RIN3: variants seen among roughly 807,000 people sequenced by gnomAD.
RIN3 encodes the protein Ras and Rab interactor 3, also known as RAB5 interacting protein 3.
RIN3 carries 54 observed loss-of-function variants against 76.3 expected under a neutral mutation model. That is an observed-to-expected ratio of 0.71 (90% confidence interval 0.57 to 0.89). The LOEUF (loss-of-function observed/expected upper bound fraction) is 0.89. Ranked by LOEUF, RIN3 falls within the 40% of genes least tolerant of loss-of-function variation. The pLI is 0.00. For synonymous variants in RIN3, 576 were observed against 564.0 expected (o/e 1.02, Z -0.30); for missense variants, 1,256 against 1,322.1 (o/e 0.95, Z 0.78).
rs1457252979 is a variant in RIN3 at position 92,652,148 on chromosome 14, C to T, written c.1099C>T (p.Pro367Ser). The change falls in exon 6 of 10, where the codon CCC (proline) becomes TCC (serine). Residue 367 changes from proline to serine, a missense_variant. Pro to Ser is a moderately conservative substitution (Grantham distance 74). This residue lies in a region of RIN3 where 610 missense variants were observed against 626.4 expected (regional missense o/e 0.97). Coordinates refer to ENST00000216487, the MANE Select transcript of RIN3 (RefSeq NM_024832.5). This position sits in a 1 kb window ranked among gnomAD's most constrained non-coding sequence, Gnocchi z 6.4. Reference protein sequence around the residue: ...EAMKPGAASSPLQQVPAPPLP... With the variant: ...EAMKPGAASSSLQQVPAPPLP... The stretch of plus-strand genomic sequence containing the variant: ...GATGAAGCCAGGGGCAGCCTCCAGT[C>T]CCTTGCAGCAGGTCCCCGCCCCGCC... 2.5e-6 allele frequency: 4 copies of T among 1,604,376 alleles called. No homozygotes were observed. Among genetic ancestry groups the T allele is most frequent in the South Asian group, 2.2e-5 (2 of 90,382 alleles).
At chr14:92,524,291 C>A (rs886825849) in intron 1 of RIN3, among the ~76,000 whole-genome samples, 2 of 152,202 alleles carry the variant, frequency 1.3e-5, no homozygotes, top group African/African-American at 4.8e-5. Flanking sequence ...TTCACTGTCT[C>A]TTCGTTGAAA....
chr14:92,539,844 G>C (rs111746917), intron 1 of RIN3, among the ~76,000 whole-genome samples: 11 of 152,322 alleles, frequency 7.2e-5, no homozygotes, highest in African/African-American at 2.2e-4. Flanking sequence ...GCTGGGACTA[G>C]AGGCCCAACA....
At chr14:92,608,369 T>C (rs1566865714) in intron 3 of RIN3, among the ~76,000 whole-genome samples, 1 of 152,228 alleles carries the variant, frequency 6.6e-6, no homozygotes, top group Non-Finnish European at 1.5e-5. Flanking sequence ...AATACAGTTA[T>C]TTATTTTATT....
intron 3 of RIN3, among the ~76,000 whole-genome samples, chr14:92,610,407 C>T (rs1885689436): frequency 6.6e-6 from 1 of 152,148 alleles, no homozygotes; most frequent in South Asian, 2.1e-4. Flanking sequence ...GATCTTAACA[C>T]CTGAAGGCCC....
intron 8 of RIN3, among the ~76,000 whole-genome samples, chr14:92,679,212 C>T (rs575352059): frequency 1.3e-5 from 2 of 152,360 alleles, no homozygotes; most frequent in South Asian, 2.1e-4. Context: ...TTTTGTCAGA[C>T]TTGAGTAGGC....
chr14:92,595,814 C>G lies in RIN3; in HGVS notation c.367+18337C>G, dbSNP rs558138493. Among the ~76,000 whole-genome samples, 101 of 152,322 alleles carry G rather than the reference C, an allele frequency of 6.6e-4. 1 individual carries two copies. Among genetic ancestry groups the G allele is most frequent in the Non-Finnish European group, 1.2e-3 (81 of 68,034 alleles). On this transcript the variant is annotated intron_variant, in intron 3 of 9. Transcript: ENST00000216487. ...TTTGCCTAACCCCAGATGTCCCAAG[C>G]ACCTGGATGGTAAAGGAAAATACAT...
At chr14:92,664,007 G>A (rs926873526) in intron 7 of RIN3, among the ~76,000 whole-genome samples, 11 of 152,102 alleles carry the variant, frequency 7.2e-5, no homozygotes, top group Non-Finnish European at 1.2e-4. Context: ...ATGAATGAGC[G>A]TCTAGATGTT....
intron 5 of RIN3, among the ~76,000 whole-genome samples, chr14:92,645,720 C>A (rs1887174201): frequency 6.6e-6 from 1 of 152,186 alleles, no homozygotes; most frequent in Admixed American, 6.5e-5. Context: ...CTGTGGGAGG[C>A]CAAGGCGGGC....
At chr14:92,524,522 G>T (rs923489436) in intron 1 of RIN3, among the ~76,000 whole-genome samples, 1 of 152,204 alleles carries the variant, frequency 6.6e-6, no homozygotes, top group Non-Finnish European at 1.5e-5. Flanking sequence ...CTCAACAACA[G>T]CCTAAGACCA....
At chr14:92,664,592 G>C (rs992448890) in intron 7 of RIN3, among the ~76,000 whole-genome samples, 2 of 151,552 alleles carry the variant, frequency 1.3e-5, no homozygotes, top group Admixed American at 1.3e-4. Context: ...GGATGGTCTC[G>C]ATCTCCTGAC....
intron 2 of RIN3, among the ~76,000 whole-genome samples, chr14:92,561,012 ACT>A (rs1387727918): frequency 9.6e-6 from 1 of 104,480 alleles, no homozygotes; most frequent in Non-Finnish European, 2.0e-5. Flanking sequence ...CAAGAGCGAA[ACT>A]CTGTCTAAAA....
At chr14:92,537,808 C>T (rs577469357) in intron 1 of RIN3, among the ~76,000 whole-genome samples, 4 of 148,154 alleles carry the variant, frequency 2.7e-5, no homozygotes, top group African/African-American at 9.9e-5. Context: ...CACGCCACCA[C>T]GCCTGGCTAA....
rs553332508 is a variant in RIN3, at chr14:92,516,618, C to T, written c.44+2642C>T. Among the ~76,000 whole-genome samples the T allele has an allele frequency of 5.3e-5, 8 of 152,024 alleles. 1 individual carries two copies. Among genetic ancestry groups the T allele is most frequent in the African/African-American group, 4.8e-5 (2 of 41,450 alleles). ...TCACCATCTCAAGTCTGCTCTCCTG[C>T]CCCCCCACCCCGAGAAGCCCCAGTA... On this transcript the variant is annotated intron_variant, in intron 1 of 9. Coordinates refer to ENST00000216487, the MANE Select transcript of RIN3 (RefSeq NM_024832.5).
chr14:92,653,084 C>A lies in RIN3; in HGVS notation c.2026+9C>A. The A allele has an allele frequency of 6.3e-7, 1 of 1,593,000 alleles. No individual in the cohort carries two copies. Among genetic ancestry groups the A allele is most frequent in the Non-Finnish European group, 8.5e-7 (1 of 1,174,622 alleles). ...CTCCGAGGAGGAGCTCGGTCAGTGC[C>A]CTGGGAGGAGGTGGCAGGGAGGAGA... is the stretch of plus-strand genomic sequence containing the variant. On this transcript the variant is annotated intron_variant, in intron 6 of 9. Coordinates refer to ENST00000216487, the MANE Select transcript of RIN3 (RefSeq NM_024832.5).
chr14:92,578,246 A>G lies in RIN3; in HGVS notation c.367+769A>G, dbSNP rs545887476. On this transcript the variant is annotated intron_variant, in intron 3 of 9. Coordinates refer to ENST00000216487, the MANE Select transcript of RIN3 (RefSeq NM_024832.5). Reference sequence around the variant, plus strand: ...GGGAGATCTGGCCTAAAAAAAAAAAAAAAGAAAAAAAAGAAAAAAGAAGGA... The same window carrying G: ...GGGAGATCTGGCCTAAAAAAAAAAAGAAAGAAAAAAAAGAAAAAAGAAGGA... 5.9e-3 allele frequency among the ~76,000 whole-genome samples: 903 copies of G among 152,004 alleles called. 6 individuals are homozygous for G. Among genetic ancestry groups the G allele is most frequent in the African/African-American group, 0.021 (854 of 41,440 alleles).
intron 1 of RIN3, among the ~76,000 whole-genome samples, chr14:92,548,793 T>A (rs1342671303): frequency 1.3e-5 from 2 of 151,986 alleles, no homozygotes; most frequent in Admixed American, 6.6e-5. Context: ...AAGAAAAAGA[T>A]CCTTTTTCCA....
intron 1 of RIN3, among the ~76,000 whole-genome samples, chr14:92,524,100 A>AG (rs1005195525): frequency 5.9e-5 from 9 of 152,260 alleles, no homozygotes; most frequent in Admixed American, 3.3e-4. Flanking sequence ...AGGCTGAGGC[A>AG]GGGGGATCTC....
At chr14:92,617,726 A>G (rs1463615920) in intron 4 of RIN3, among the ~76,000 whole-genome samples, 1 of 152,214 alleles carries the variant, frequency 6.6e-6, no homozygotes, top group Non-Finnish European at 1.5e-5. Flanking sequence ...TTCTTTGTTA[A>G]TCCCCTAGCA....
chr14:92,549,838 A>T (rs1157455464), intron 1 of RIN3, among the ~76,000 whole-genome samples: 2 of 152,186 alleles, frequency 1.3e-5, no homozygotes, highest in African/African-American at 4.8e-5. Context: ...TGAGTGGGAG[A>T]ACAACCCGTT....
Sources: allele counts gnomAD v4.1 joint callset (sites outside exome capture counted in the v4.1 genomes callset), GRCh38; gene constraint gnomAD v4.1.1; regional missense constraint gnomAD v4.1.1; non-coding constraint Gnocchi (gnomAD v3.1); transcripts MANE v1.5; gene names NCBI Gene and HGNC (gene_info 2026-07-23, HGNC 2026-07-21).